The following SPATA16 variants were observed in gnomAD, a reference collection of about 807,000 sequenced individuals.
SPATA16 encodes spermatogenesis-associated protein 16.
A neutral mutation model predicts 63.3 loss-of-function variants in SPATA16; 36 were observed. The observed-to-expected ratio is 0.57, with a 90% CI of 0.44 to 0.75. SPATA16 has a LOEUF of 0.75. Ranked by LOEUF, SPATA16 falls within the 30% of genes least tolerant of loss-of-function variation. SPATA16 has a pLI of 0.00. For missense variants in SPATA16, 646 were observed against 679.3 expected, an observed-to-expected ratio of 0.95 and a Z score of 0.54; for synonymous variants, 203 against 216.7, an observed-to-expected ratio of 0.94 and a Z score of 0.56.
intron 6 of SPATA16, among the ~76,000 whole-genome samples, chr3:172,954,712 A>G (rs1733531610): frequency 6.6e-6 from 1 of 152,210 alleles, no homozygotes; most frequent in African/African-American, 2.4e-5. Flanking sequence ...AAGGCTGTGC[A>G]CATACAGTTA....
intron 4 of SPATA16, among the ~76,000 whole-genome samples, chr3:173,003,256 A>C (rs1734866630): frequency 1.3e-5 from 2 of 152,200 alleles, no homozygotes. Context: ...ACTTTACAGA[A>C]GAAGAAACAT....
chr3:173,080,279 G>C (rs1427222977), intron 2 of SPATA16, among the ~76,000 whole-genome samples: 3 of 152,184 alleles, frequency 2.0e-5, no homozygotes, highest in Admixed American at 6.6e-5. Flanking sequence ...AATCAAAAAA[G>C]AATAGACAAA....
chr3:173,107,254 A>G (rs1737641439), intron 2 of SPATA16, among the ~76,000 whole-genome samples: 1 of 151,032 alleles, frequency 6.6e-6, no homozygotes, highest in East Asian at 1.9e-4. Flanking sequence ...TGTAAAATCA[A>G]TGATCAATAT....
chr3:172,980,259 A>G (rs1734268988), intron 4 of SPATA16, among the ~76,000 whole-genome samples: 1 of 152,254 alleles, frequency 6.6e-6, no homozygotes, highest in South Asian at 2.1e-4. Flanking sequence ...TAAGGAGTCA[A>G]GTACCATGTG....
At chr3:172,959,505 A>ACGATG (rs1322042654) in intron 5 of SPATA16, among the ~76,000 whole-genome samples, 3 of 152,196 alleles carry the variant, frequency 2.0e-5, no homozygotes, top group Non-Finnish European at 2.9e-5. Flanking sequence ...CAACCTGAAG[A>ACGATG]CGATGGGTAA....
chr3:173,111,316 A>G (rs1337489295), intron 2 of SPATA16, among the ~76,000 whole-genome samples: 1 of 152,160 alleles, frequency 6.6e-6, no homozygotes, highest in Non-Finnish European at 1.5e-5. Flanking sequence ...AGGCTGAGGC[A>G]GGAGAATCAC....
chr3:173,056,423 C>A (rs1182416964), intron 2 of SPATA16, among the ~76,000 whole-genome samples: 1 of 152,028 alleles, frequency 6.6e-6, no homozygotes, highest in Non-Finnish European at 1.5e-5. Flanking sequence ...GTAAGAAATG[C>A]CGGGCGCAGT....
chr3:172,988,607 C>A (rs1734506566), intron 4 of SPATA16, among the ~76,000 whole-genome samples: 1 of 152,192 alleles, frequency 6.6e-6, no homozygotes, highest in African/African-American at 2.4e-5. Context: ...GTTGATGGAA[C>A]AGATGCTTAA....
At chr3:173,030,086 CTAT>C (rs1274623584) in intron 3 of SPATA16, among the ~76,000 whole-genome samples, 18 of 151,570 alleles carry the variant, frequency 1.2e-4, no homozygotes, top group Non-Finnish European at 2.4e-4. Flanking sequence ...ATCTATCTAT[CTAT>C]CTATCTATCT....
chr3:172,959,459 C>T (rs774240683), intron 5 of SPATA16, among the ~76,000 whole-genome samples: 1 of 152,138 alleles, frequency 6.6e-6, no homozygotes, highest in Non-Finnish European at 1.5e-5. Flanking sequence ...CCACTGAGAA[C>T]CAATAGAGAT....
intron 6 of SPATA16, 102 bp downstream of exon 6, chr3:172,956,575 C>T (rs1238257644): frequency 3.8e-6 from 5 of 1,317,306 alleles, no homozygotes; most frequent in Non-Finnish European, 5.2e-6. Flanking sequence ...AAACAGTGTA[C>T]TCCTAAAACA....
Position 172,939,063 on chromosome 3 carries a change from C to T in SPATA16, c.1082-13571G>A, listed in dbSNP as rs141228461. 1.1e-3 allele frequency among the ~76,000 whole-genome samples: 174 copies of T among 152,194 alleles called. 1 individual carries two copies. Among genetic ancestry groups the T allele is most frequent in the Non-Finnish European group, 1.7e-3 (116 of 68,004 alleles). ...AAAGTCTTTAAATCTACTTATGACC[C>T]GGGAGCCCCCGCTTCAAGATATCCT... is the stretch of plus-strand genomic sequence containing the variant. On this transcript the variant is annotated intron_variant, in intron 6 of 10. Coordinates refer to ENST00000351008, the MANE Select transcript of SPATA16 (RefSeq NM_031955.6).
chr3:172,930,593 C>T (rs1021688557), intron 6 of SPATA16, among the ~76,000 whole-genome samples: 1 of 123,900 alleles, frequency 8.1e-6, no homozygotes, highest in East Asian at 2.5e-4. Context: ...GAGTCTCGCT[C>T]TGTCGCCCAG....
At chr3:173,088,843 G>A (rs1737151561) in intron 2 of SPATA16, among the ~76,000 whole-genome samples, 1 of 152,200 alleles carries the variant, frequency 6.6e-6, no homozygotes, top group South Asian at 2.1e-4. Flanking sequence ...GTAGGAGCAT[G>A]TGCAAGGGCT....
At position 173,025,511 on chromosome 3, in the gene SPATA16, T is replaced by A. The variant is rs528198357; in HGVS notation, c.759-5936A>T. Among the ~76,000 whole-genome samples the A allele has an allele frequency of 3.3e-5, 5 of 152,026 alleles. No individual in the cohort carries two copies. In the East Asian group the frequency reaches 9.6e-4, roughly 29 times the overall value. On this transcript the variant is annotated intron_variant, in intron 3 of 10. Coordinates refer to ENST00000351008, the MANE Select transcript of SPATA16 (RefSeq NM_031955.6). ...GTAGTATTCACTTTTTAAAAGTATA[T>A]AGTTTGGTCTGTTTCGACAAATACA...
chr3:173,105,200 A>C (rs532545405), intron 2 of SPATA16, among the ~76,000 whole-genome samples: 2 of 152,312 alleles, frequency 1.3e-5, no homozygotes, highest in African/African-American at 2.4e-5. Context: ...TATGCTTGCT[A>C]AGTTTTAGTT....
chr3:172,958,952 C>T (rs958770244), intron 5 of SPATA16, among the ~76,000 whole-genome samples: 7 of 152,140 alleles, frequency 4.6e-5, no homozygotes, highest in African/African-American at 1.7e-4. Context: ...CTCTGAGGCA[C>T]TAGGGGTTAG....
At chr3:173,129,195 A>T (rs1217210093) in intron 1 of SPATA16, among the ~76,000 whole-genome samples, 1 of 152,254 alleles carries the variant, frequency 6.6e-6, no homozygotes, top group African/African-American at 2.4e-5. Context: ...GGAACTCAGG[A>T]GCAAGAGATC....
chr3:172,913,073 G>A (rs115016602), intron 10 of SPATA16, among the ~76,000 whole-genome samples: 2,936 of 152,312 alleles, frequency 0.019, 29 homozygotes, highest in Middle Eastern at 0.058. Context: ...GAGTTTGACT[G>A]GAGAACCAAG....
Sources: gnomAD v4.1 joint callset for allele counts (sites outside exome capture counted in the v4.1 genomes callset) on GRCh38, gnomAD v4.1.1 for gene constraint, MANE v1.5 for transcripts, NCBI Gene and HGNC (gene_info 2026-07-23, HGNC 2026-07-21) for gene names.